PPP3CA: variants seen among roughly 807,000 people sequenced by gnomAD.
PPP3CA encodes protein phosphatase 3 catalytic subunit alpha, also known as CAM-PRP catalytic subunit.
In PPP3CA, 14 loss-of-function variants were observed where a neutral mutation model predicts 66.5. That is an observed-to-expected ratio of 0.21 (90% CI 0.14 to 0.33). The LOEUF (loss-of-function observed/expected upper bound fraction) is 0.33. Ranked by LOEUF, PPP3CA falls within the 10% of genes least tolerant of loss-of-function variation. PPP3CA has a pLI of 1.00. For synonymous variants in PPP3CA, 232 were observed against 226.2 expected (o/e 1.03, Z -0.23); for missense variants, 317 against 639.5 (o/e 0.50, Z 5.44).
chr4:101,329,581 C>G (rs893172608), intron 1 of PPP3CA, among the ~76,000 whole-genome samples: 10 of 152,150 alleles, frequency 6.6e-5, no homozygotes, highest in Admixed American at 6.5e-4. Context: ...CTGCCTAGGA[C>G]TTTCACAGCT....
intron 10 of PPP3CA, among the ~76,000 whole-genome samples, chr4:101,056,313 A>G (rs894328473): frequency 6.6e-6 from 1 of 152,226 alleles, no homozygotes; most frequent in African/African-American, 2.4e-5. Flanking sequence ...GTTGGCCAGA[A>G]GGTAAAATGA....
chr4:101,180,509 T>C (rs1724200369), intron 2 of PPP3CA, among the ~76,000 whole-genome samples: 1 of 152,154 alleles, frequency 6.6e-6, no homozygotes, highest in African/African-American at 2.4e-5. Flanking sequence ...AGTTAAGTTG[T>C]ATTTCCTATT....
chr4:101,277,761 T>C (rs563121529), intron 1 of PPP3CA, among the ~76,000 whole-genome samples: 1 of 152,290 alleles, frequency 6.6e-6, no homozygotes, highest in Admixed American at 6.5e-5. Flanking sequence ...AAGTACCTAC[T>C]ATGGGCAAAT....
intron 1 of PPP3CA, among the ~76,000 whole-genome samples, chr4:101,304,690 A>C (rs1426705014): frequency 6.6e-6 from 1 of 152,180 alleles, no homozygotes; most frequent in African/African-American, 2.4e-5. Context: ...TACATATCTA[A>C]TAGGTTTTAA....
At chr4:101,129,125 C>A (rs542033225) in intron 2 of PPP3CA, among the ~76,000 whole-genome samples, 7 of 152,242 alleles carry the variant, frequency 4.6e-5, no homozygotes, top group Admixed American at 4.6e-4. Context: ...GTAAACAAAG[C>A]CCAGGGAAAT....
Position 101,080,527 on chromosome 4 carries a change from C to T in PPP3CA, c.955+5G>A, listed in dbSNP as rs761232472. On this transcript the variant is annotated splice_donor_5th_base_variant and intron_variant, in intron 8 of 13. Transcript: ENST00000394854. ...AGACTGCAAGAGGTATTTAAAAACA[C>T]TTACCTTTGTTATTGTATACATCTA... The T allele has an allele frequency of 1.4e-6, 2 of 1,411,856 alleles. No individual in the cohort carries two copies. The highest frequency in any genetic ancestry group is 1.7e-5 in the South Asian group (1 of 59,418). 87.5% of individuals were successfully genotyped at this position (1,411,856 alleles called of 1,614,324 possible).
chr4:101,187,126 C>T (rs1437969032), intron 2 of PPP3CA, among the ~76,000 whole-genome samples: 6 of 152,142 alleles, frequency 3.9e-5, no homozygotes, highest in South Asian at 2.1e-4. Context: ...TTAATGTGGA[C>T]ACCATGCTGG....
At chr4:101,048,333 C>A (rs551055432) in intron 10 of PPP3CA, among the ~76,000 whole-genome samples, 4 of 151,920 alleles carry the variant, frequency 2.6e-5, no homozygotes. Flanking sequence ...CGCGACAGTA[C>A]AAATATTCCA....
chr4:101,330,504 G>T, intron 1 of PPP3CA: 4 of 502,900 alleles, frequency 8.0e-6, no homozygotes, highest in Non-Finnish European at 1.6e-5. Context: ...TATTTTTTAA[G>T]TGAAGTATGT....
chr4:101,053,697 G>A (rs1360519909), intron 10 of PPP3CA, among the ~76,000 whole-genome samples: 1 of 151,974 alleles, frequency 6.6e-6, no homozygotes, highest in African/African-American at 2.4e-5. Flanking sequence ...TTCTCCTGGA[G>A]GTGGTGACTT....
chr4:101,235,788 A>G (rs1184007219), intron 1 of PPP3CA, among the ~76,000 whole-genome samples: 1 of 151,896 alleles, frequency 6.6e-6, no homozygotes, highest in Non-Finnish European at 1.5e-5. Context: ...AGAGGATAAT[A>G]TATAAATTTT....
chr4:101,039,698 C>T (rs557701333), intron 11 of PPP3CA, among the ~76,000 whole-genome samples: 1 of 143,852 alleles, frequency 7.0e-6, no homozygotes, highest in Non-Finnish European at 1.6e-5. Context: ...TCAAAAGAGC[C>T]AGTGTCGATA....
chr4:101,029,779 T>TAAAG (rs1726855004), intron 12 of PPP3CA, among the ~76,000 whole-genome samples: 1 of 150,172 alleles, frequency 6.7e-6, no homozygotes, highest in South Asian at 2.1e-4. Context: ...TGTGACTCTT[T>TAAAG]AAAGATAAAC....
At chr4:101,203,680 T>C (rs1725040014) in intron 1 of PPP3CA, among the ~76,000 whole-genome samples, 1 of 152,124 alleles carries the variant, frequency 6.6e-6, no homozygotes, top group Non-Finnish European at 1.5e-5. Flanking sequence ...ATCCTTCCCA[T>C]GTACAGATTT....
intron 1 of PPP3CA, among the ~76,000 whole-genome samples, chr4:101,229,236 T>TACAA (rs1553934357): frequency 2.0e-5 from 3 of 150,200 alleles, no homozygotes. Flanking sequence ...TTCATTATTT[T>TACAA]ACACTCACAC....
intron 8 of PPP3CA, among the ~76,000 whole-genome samples, chr4:101,067,497 A>G (rs1045385875): frequency 6.6e-6 from 1 of 151,944 alleles, no homozygotes; most frequent in African/African-American, 2.4e-5. Context: ...CAAATCTGTA[A>G]AACAGGGGGT....
rs70961778 is a variant in PPP3CA, at chr4:101,162,528, A to AAAATAAATAAAT, written c.259+33376_259+33387dup. The stretch of plus-strand genomic sequence containing the variant: ...CTGGGCGACAGAGCAAGACTCCATC[A>AAAATAAATAAAT]AAATAAATAAATAAATAAATAAATA... On this transcript the variant is annotated intron_variant, in intron 2 of 13. Transcript: ENST00000394854. Among the ~76,000 whole-genome samples the AAAATAAATAAAT allele has an allele frequency of 1.6e-3, 233 of 143,984 alleles. 1 individual carries two copies. The highest frequency in any genetic ancestry group is 4.8e-3 in the East Asian group (23 of 4,780). 94.5% of individuals were successfully genotyped at this position (143,984 alleles called of 152,430 possible).
At position 101,033,923 on chromosome 4, in the gene PPP3CA, CTG is replaced by C. The variant is rs1385273203; in HGVS notation, c.1242-1561_1242-1560del. On this transcript the variant is annotated intron_variant, in intron 11 of 13. Transcript: ENST00000394854. ...TTTGCTCACCACCAGCATCACCTAC[CTG>C]GATTGCAGGAGCCTTCCGAATGGTC... Among the ~76,000 whole-genome samples, 9 of 152,292 alleles carry C rather than the reference CTG, an allele frequency of 5.9e-5. No homozygotes were observed. In the South Asian group the frequency reaches 1.9e-3, roughly 32 times the overall value.
intron 1 of PPP3CA, among the ~76,000 whole-genome samples, chr4:101,296,881 GC>G (rs1418395645): frequency 6.6e-6 from 1 of 152,098 alleles, no homozygotes; most frequent in Admixed American, 6.6e-5. Flanking sequence ...TTATTTAGTG[GC>G]CCCTTCTATA....
Sources: gnomAD v4.1 joint callset for allele counts (sites outside exome capture counted in the v4.1 genomes callset) on GRCh38, gnomAD v4.1.1 for gene constraint, MANE v1.5 for transcripts, NCBI Gene and HGNC (gene_info 2026-07-23, HGNC 2026-07-21) for gene names.